NRG3: variants seen among roughly 807,000 people sequenced by gnomAD.
NRG3 encodes the protein neuregulin 3, also known as pro-neuregulin-3, membrane-bound isoform.
Under a neutral mutation model 66.9 loss-of-function variants are expected in NRG3, and 31 were observed. That is an observed-to-expected ratio of 0.46 (90% CI 0.35 to 0.63). The LOEUF (loss-of-function observed/expected upper bound fraction) is 0.63. Ranked by LOEUF, NRG3 falls within the 20% of genes least tolerant of loss-of-function variation. The probability of loss-of-function intolerance (pLI) is 0.00; values close to 1 mark genes in which losing one functional copy is unlikely to be tolerated. For synonymous variants in NRG3, 393 were observed against 359.4 expected, an observed-to-expected ratio of 1.09 and a Z score of -1.06; for missense variants, 910 against 878.9, an observed-to-expected ratio of 1.04 and a Z score of -0.45.
intron 2 of NRG3, among the ~76,000 whole-genome samples, chr10:82,450,609 A>G (rs982850126): frequency 5.3e-5 from 8 of 151,996 alleles, no homozygotes; most frequent in Admixed American, 4.6e-4. Flanking sequence ...CAGAAATTTG[A>G]CTCTTCAAAC....
At chr10:82,820,139 T>G (rs1024929455) in intron 3 of NRG3, among the ~76,000 whole-genome samples, 1 of 151,836 alleles carries the variant, frequency 6.6e-6, no homozygotes, top group Non-Finnish European at 1.5e-5. Flanking sequence ...AAGAGTGGAG[T>G]GATTCTTCCT....
intron 1 of NRG3, among the ~76,000 whole-genome samples, chr10:81,982,730 G>A (rs975608501): frequency 3.9e-5 from 6 of 152,086 alleles, no homozygotes; most frequent in South Asian, 2.1e-4. Flanking sequence ...CAAGAACACC[G>A]GTAAGTTTGG....
At chr10:82,761,977 C>CTTTCTTTCT (rs2059343527) in intron 3 of NRG3, among the ~76,000 whole-genome samples, 1 of 65,796 alleles carries the variant, frequency 1.5e-5, no homozygotes, top group Non-Finnish European at 3.3e-5. Flanking sequence ...TCTTTCTTTT[C>CTTTCTTTCT]TTTCTTTCTT....
At chr10:82,365,672 G>A (rs2084474362) in intron 2 of NRG3, among the ~76,000 whole-genome samples, 1 of 152,084 alleles carries the variant, frequency 6.6e-6, no homozygotes, top group South Asian at 2.1e-4. Context: ...TTGGCAGTTA[G>A]TACATTGCTT....
chr10:82,349,637 G>A (rs991119945), intron 1 of NRG3, among the ~76,000 whole-genome samples: 8 of 151,830 alleles, frequency 5.3e-5, no homozygotes, highest in Non-Finnish European at 8.8e-5. Flanking sequence ...AGCAAGCCTG[G>A]GCAATGGCGG....
chr10:82,223,490 T>C (rs2076030533), intron 1 of NRG3, among the ~76,000 whole-genome samples: 1 of 152,162 alleles, frequency 6.6e-6, no homozygotes, highest in South Asian at 2.1e-4. Flanking sequence ...TTGGCCGCTT[T>C]TCCCCCTGGC....
chr10:82,152,487 C>T (rs547079865), intron 1 of NRG3, among the ~76,000 whole-genome samples: 1 of 152,008 alleles, frequency 6.6e-6, no homozygotes, highest in Non-Finnish European at 1.5e-5. Context: ...GTTCAGGGCT[C>T]GTGTTCTCAG....
At chr10:82,109,989 T>C (rs1017674958) in intron 1 of NRG3, among the ~76,000 whole-genome samples, 17 of 152,242 alleles carry the variant, frequency 1.1e-4, no homozygotes, top group Admixed American at 6.5e-4. Context: ...GACAATATGC[T>C]AGGTAATGGA....
At chr10:82,367,507 C>A (rs1029125137) in intron 2 of NRG3, among the ~76,000 whole-genome samples, 2 of 151,676 alleles carry the variant, frequency 1.3e-5, no homozygotes, top group African/African-American at 4.8e-5. Flanking sequence ...ATAATGATGT[C>A]TTTAAAATAT....
rs1040592712 is a variant in NRG3, at chr10:82,837,074, A to G, written c.1028-28337A>G. ...ATGGCCCTATGAAGGACATGAACTC[A>G]TCATTTTTTATGGCTGCATAGTATT... On this transcript the variant is annotated intron_variant, in intron 3 of 8. Transcript: ENST00000372141. Among the ~76,000 whole-genome samples the G allele has an allele frequency of 8.5e-5, 13 of 152,302 alleles. 1 individual carries two copies. The highest frequency in any genetic ancestry group is 3.1e-4 in the African/African-American group (13 of 41,576).
At chr10:82,190,534 A>C (rs556038679) in intron 1 of NRG3, among the ~76,000 whole-genome samples, 4 of 152,116 alleles carry the variant, frequency 2.6e-5, no homozygotes, top group African/African-American at 4.8e-5. Context: ...TTTTCCTTCC[A>C]CTTGTATCTG....
chr10:82,911,208 A>G (rs1024945981), intron 4 of NRG3, among the ~76,000 whole-genome samples: 1 of 152,180 alleles, frequency 6.6e-6, no homozygotes, highest in Non-Finnish European at 1.5e-5. Context: ...GTACGTCTAA[A>G]GAATGGGATA....
intron 1 of NRG3, among the ~76,000 whole-genome samples, chr10:82,148,692 G>A (rs956058434): frequency 4.6e-5 from 7 of 152,198 alleles, no homozygotes; most frequent in South Asian, 2.1e-4. Context: ...TTCCTGGGTC[G>A]TATTGATGAT....
intron 1 of NRG3, among the ~76,000 whole-genome samples, chr10:81,893,435 A>G (rs1181979027): frequency 6.7e-6 from 1 of 149,756 alleles, no homozygotes; most frequent in East Asian, 2.0e-4. Context: ...CATCCGCAGT[A>G]TGGAATGGAC....
intron 1 of NRG3, among the ~76,000 whole-genome samples, chr10:82,001,404 G>A (rs1266669855): frequency 6.6e-6 from 1 of 152,050 alleles, no homozygotes; most frequent in Non-Finnish European, 1.5e-5. Context: ...TTGGGAGGCT[G>A]AGGCAGGAGA....
chr10:82,316,830 G>A (rs1030707184), intron 1 of NRG3, among the ~76,000 whole-genome samples: 1 of 152,150 alleles, frequency 6.6e-6, no homozygotes, highest in African/African-American at 2.4e-5. Context: ...TTTCAGAAAA[G>A]CAGAGCTGGG....
chr10:82,551,958 A>G (rs2044338177), intron 2 of NRG3, among the ~76,000 whole-genome samples: 1 of 151,752 alleles, frequency 6.6e-6, no homozygotes, highest in Non-Finnish European at 1.5e-5. Context: ...TTTTTAATTT[A>G]AAAACACAAT....
intron 1 of NRG3, among the ~76,000 whole-genome samples, chr10:82,299,151 T>G (rs1210499641): frequency 6.6e-6 from 1 of 152,150 alleles, no homozygotes; most frequent in Non-Finnish European, 1.5e-5. Flanking sequence ...TGGCAAAAAC[T>G]TAGGGATCTG....
intron 1 of NRG3, among the ~76,000 whole-genome samples, chr10:81,997,916 A>G (rs1170118569): frequency 7.1e-6 from 1 of 140,158 alleles, no homozygotes; most frequent in Non-Finnish European, 1.5e-5. Flanking sequence ...TCTTTATTTT[A>G]GTACTCAGAA....
Sources: gnomAD v4.1 joint callset for allele counts (sites outside exome capture counted in the v4.1 genomes callset) on GRCh38, gnomAD v4.1.1 for gene constraint, MANE v1.5 for transcripts, NCBI Gene and HGNC (gene_info 2026-07-23, HGNC 2026-07-21) for gene names.